EPB41: variants seen among roughly 807,000 people sequenced by gnomAD.
The protein encoded by EPB41 is protein 4.1.
EPB41 carries 65 observed loss-of-function variants against 108.0 expected under a neutral mutation model. The ratio of observed to expected loss-of-function variants is 0.60; its 90% CI spans 0.49 to 0.74. The LOEUF is 0.74. Ranked by LOEUF, EPB41 falls within the 30% of genes least tolerant of loss-of-function variation. The probability of loss-of-function intolerance (pLI) is 0.00; values close to 1 mark genes in which losing one functional copy is unlikely to be tolerated. For missense variants in EPB41, 875 were observed against 1,037.0 expected (o/e 0.84, Z 2.15); for synonymous variants, 336 against 358.9 (o/e 0.94, Z 0.72).
chr1:28,887,783 G>T lies in EPB41; in HGVS notation c.-8+573G>T, dbSNP rs1426939060. ...GCCCGCCAGGGTGGCCCCCCCGGCC[G>T]TCGCGCCAGCCCCACACCCTCCCTG... is the stretch of plus-strand genomic sequence containing the variant. On this transcript the variant is annotated intron_variant, in intron 1 of 16. Coordinates refer to the EPB41 transcript ENST00000347529. The surrounding 1 kb of genome is among the most constrained non-coding windows in gnomAD (Gnocchi z 4.9). 1.0e-5 allele frequency: 7 copies of T among 688,254 alleles called. No homozygotes were observed. The highest frequency in any genetic ancestry group is 1.3e-5 in the Non-Finnish European group (7 of 558,404). 42.6% of individuals were successfully genotyped at this position (688,254 alleles called of 1,614,324 possible). A position where few individuals can be genotyped will look rare whatever the true frequency, so the allele number is the denominator to read the frequency against.
At chr1:29,069,295 A>C in intron 16 of EPB41, 11 of 1,231,666 alleles carry the variant, frequency 8.9e-6, no homozygotes, top group Non-Finnish European at 1.1e-5. Context: ...CCTTTCATAG[A>C]TAACATCTGT....
chr1:29,057,382 A>G (rs1645700975), intron 12 of EPB41, among the ~76,000 whole-genome samples: 1 of 150,556 alleles, frequency 6.6e-6, no homozygotes, highest in African/African-American at 2.4e-5. Flanking sequence ...TCAAAAAAAA[A>G]AAAAAAAAAA....
intron 4 of EPB41, among the ~76,000 whole-genome samples, chr1:28,997,684 ATC>A (rs1416186874): frequency 2.0e-5 from 3 of 151,962 alleles, no homozygotes; most frequent in Non-Finnish European, 4.4e-5. Context: ...TGAATGGATG[ATC>A]TGTTATTAAT....
At chr1:29,032,829 A>G (rs1044086443) in intron 8 of EPB41, among the ~76,000 whole-genome samples, 2 of 152,130 alleles carry the variant, frequency 1.3e-5, no homozygotes, top group South Asian at 2.1e-4. Context: ...GGAGCTGTTA[A>G]CACTTTATCA....
intron 1 of EPB41, 23 bp from the exon 2 acceptor site, chr1:28,987,408 C>G (rs1415752812): frequency 1.9e-6 from 3 of 1,609,842 alleles, no homozygotes; most frequent in East Asian, 4.5e-5. Flanking sequence ...AAGAGCCCCC[C>G]TTTTCTATCT....
At chr1:28,982,862 T>C (rs1446064957) in intron 1 of EPB41, among the ~76,000 whole-genome samples, 1 of 152,142 alleles carries the variant, frequency 6.6e-6, no homozygotes, top group African/African-American at 2.4e-5. Flanking sequence ...AAGTGTTCTG[T>C]TATGTTTTTA....
intron 4 of EPB41, among the ~76,000 whole-genome samples, chr1:29,002,418 C>T (rs542766365): frequency 6.6e-6 from 1 of 150,638 alleles, no homozygotes; most frequent in East Asian, 2.0e-4. Context: ...CACCACTGCA[C>T]TTGCCTGGGT....
rs192191036 is a variant in EPB41 at position 28,978,712 on chromosome 1, G to A, written c.-7-8719G>A. 2.0e-4 allele frequency among the ~76,000 whole-genome samples: 31 copies of A among 151,412 alleles called. 2 individuals carry two copies. Among genetic ancestry groups the A allele is most frequent in the Non-Finnish European group, 3.7e-4 (25 of 67,954 alleles). ...TGGGTATCATTAAATTGGCTGGGGG[G>A]CCCGGAAAGAACAAATAGAGAAGAC... On this transcript the variant is annotated intron_variant, in intron 1 of 20. Coordinates refer to ENST00000343067, the MANE Select transcript of EPB41 (RefSeq NM_001376013.1).
chr1:28,978,086 T>C (rs2095651697), intron 1 of EPB41, among the ~76,000 whole-genome samples: 1 of 151,394 alleles, frequency 6.6e-6, no homozygotes, highest in Admixed American at 6.6e-5. Flanking sequence ...TTTTCTAGCA[T>C]TTAATGTATG....
intron 12 of EPB41, 166 bp downstream of exon 12, chr1:29,053,478 T>G (rs1644855598): frequency 2.4e-6 from 2 of 819,182 alleles, no homozygotes; most frequent in African/African-American, 1.7e-5. Flanking sequence ...TAAAATATTT[T>G]CGTAGAGTTA....
intron 7 of EPB41, among the ~76,000 whole-genome samples, chr1:29,029,612 T>G (rs766037705): frequency 6.6e-6 from 1 of 152,196 alleles, no homozygotes; most frequent in Non-Finnish European, 1.5e-5. Flanking sequence ...ATTTTTGTCT[T>G]TGAAAGCTCT....
Position 29,029,971 on chromosome 1 carries a change from C to T in EPB41, c.1125-429C>T, listed in dbSNP as rs146454099. Among the ~76,000 whole-genome samples, 569 of 152,192 alleles carry T rather than the reference C, an allele frequency of 3.7e-3. 6 individuals carry two copies. Among genetic ancestry groups the T allele is most frequent in the African/African-American group, 0.013 (528 of 41,504 alleles). On this transcript the variant is annotated intron_variant, in intron 7 of 20. Transcript: ENST00000343067. ...CAGGGGTATGGAGAGAAAAAGGCAG[C>T]TATAAGAGGATATTGTAAATTACAC...
At chr1:28,907,291 T>G (rs1223693564) in intron 1 of EPB41, among the ~76,000 whole-genome samples, 1 of 151,692 alleles carries the variant, frequency 6.6e-6, no homozygotes, top group Non-Finnish European at 1.5e-5. Flanking sequence ...GGTCTCGAAC[T>G]CCCTACCTCA....
chr1:28,964,626 T>A (rs574469131), intron 1 of EPB41, among the ~76,000 whole-genome samples: 16,147 of 146,290 alleles, frequency 0.11, 1,099 homozygotes, highest in African/African-American at 0.22. Context: ...AATAAATAAA[T>A]AAAATAAATA....
intron 7 of EPB41, among the ~76,000 whole-genome samples, chr1:29,019,054 C>T (rs2096611029): frequency 6.6e-6 from 1 of 152,050 alleles, no homozygotes; most frequent in Non-Finnish European, 1.5e-5. Context: ...GTCTCTGAGC[C>T]TCAGGTTTCT....
Position 29,035,936 on chromosome 1 carries a change from C to G in EPB41, c.1463+13C>G. 1 of 1,569,524 alleles carries G rather than the reference C, an allele frequency of 6.4e-7. No homozygotes were observed. The highest frequency in any genetic ancestry group is 8.8e-7 in the Non-Finnish European group (1 of 1,139,546). ...ACACGTTTTTCAGGTATTATTCTCA[C>G]TTAAGTATTTTTCAAGGATAAATTA... On this transcript the variant is annotated intron_variant, in intron 10 of 20. Coordinates refer to ENST00000343067, the MANE Select transcript of EPB41 (RefSeq NM_001376013.1).
intron 14 of EPB41, 127 bp from the exon 15 acceptor site, chr1:29,060,295 G>A: frequency 1.4e-6 from 1 of 710,984 alleles, no homozygotes; most frequent in Non-Finnish European, 2.4e-6. Flanking sequence ...ATTTCATGTT[G>A]GCATATGCTG....
At position 29,039,245 on chromosome 1, in the gene EPB41, T is replaced by C. The variant is rs564358231; in HGVS notation, c.1464-9T>C. 5.0e-6 allele frequency: 8 copies of C among 1,613,290 alleles called. No individual in the cohort carries two copies. The South Asian group carries it at 5.5e-5, about 11-fold the overall frequency. ...TATAATAATATGACTATTACGATTTTCCCCCCAGATTGACATCTACAGACA... is the reference window on the plus strand; with the variant it reads ...TATAATAATATGACTATTACGATTTCCCCCCCAGATTGACATCTACAGACA... On this transcript the variant is annotated splice_polypyrimidine_tract_variant and intron_variant, in intron 10 of 20. Transcript: ENST00000343067.
At chr1:29,087,789 G>T (rs1659697872) in intron 16 of EPB41, among the ~76,000 whole-genome samples, 1 of 152,102 alleles carries the variant, frequency 6.6e-6, no homozygotes, top group Non-Finnish European at 1.5e-5. Context: ...AATAGTTTTT[G>T]AGAGAAAGCC....
Sources: allele counts gnomAD v4.1 joint callset (sites outside exome capture counted in the v4.1 genomes callset), GRCh38; gene constraint gnomAD v4.1.1; non-coding constraint Gnocchi (gnomAD v3.1); transcripts MANE v1.5; gene names NCBI Gene and HGNC (gene_info 2026-07-23, HGNC 2026-07-21).